ROBO2: variants seen among roughly 807,000 people sequenced by gnomAD.
The protein encoded by ROBO2 is roundabout homolog 2.
Under a neutral mutation model 160.8 loss-of-function variants are expected in ROBO2, and 53 were observed. That is an observed-to-expected ratio of 0.33 (90% CI 0.26 to 0.41). ROBO2 has a LOEUF of 0.41. Among genes scored for constraint, ROBO2 ranks in the 10% least tolerant of loss-of-function variants. The pLI, the probability that ROBO2 is intolerant of heterozygous loss-of-function variation, is 1.00. For missense variants in ROBO2, 1,577 were observed against 1,722.4 expected, an observed-to-expected ratio of 0.92 and a Z score of 1.49; for synonymous variants, 664 against 611.7, an observed-to-expected ratio of 1.09 and a Z score of -1.26.
At position 76,763,274 on chromosome 3, in the gene ROBO2, T is replaced by A. The variant is rs559154000; in HGVS notation, c.110-334740T>A. ...ATGCCAACTACCCATTGCACCTACT[T>A]CTCTGGAATGTTGTGAGGCTCAAAG... On this transcript the variant is annotated intron_variant, in intron 2 of 26. Transcript: ENST00000487694. 1.6e-4 allele frequency among the ~76,000 whole-genome samples: 24 copies of A among 151,808 alleles called. No individual in the cohort carries two copies. In the South Asian group the frequency reaches 4.8e-3, roughly 30 times the overall value.
intron 2 of ROBO2, among the ~76,000 whole-genome samples, chr3:76,900,080 G>C (rs1425538421): frequency 6.6e-6 from 1 of 152,106 alleles, no homozygotes; most frequent in Non-Finnish European, 1.5e-5. Flanking sequence ...GCAAGTCACA[G>C]CTTAAGTGGA....
chr3:76,870,034 A>G (rs564718936), intron 2 of ROBO2, among the ~76,000 whole-genome samples: 9 of 152,058 alleles, frequency 5.9e-5, no homozygotes, highest in African/African-American at 1.9e-4. Context: ...GTTTCCTAGG[A>G]CCTATTGCAT....
chr3:77,112,498 C>T (rs2073755109), intron 2 of ROBO2, among the ~76,000 whole-genome samples: 1 of 152,006 alleles, frequency 6.6e-6, no homozygotes, highest in Admixed American at 6.5e-5. Context: ...CCCGCCTCGG[C>T]CTCCCAAAGT....
intron 23 of ROBO2, among the ~76,000 whole-genome samples, chr3:77,625,318 A>C (rs557517588): frequency 6.6e-6 from 1 of 151,978 alleles, no homozygotes; most frequent in African/African-American, 2.4e-5. Flanking sequence ...TAGATTCAGT[A>C]ATAATAATAA....
chr3:77,501,812 A>C (rs1053293044), intron 5 of ROBO2, among the ~76,000 whole-genome samples: 1 of 152,202 alleles, frequency 6.6e-6, no homozygotes, highest in Non-Finnish European at 1.5e-5. Context: ...TTATGTATAG[A>C]AGGCATCTTG....
intron 1 of ROBO2, among the ~76,000 whole-genome samples, chr3:77,079,968 T>A (rs2068458916): frequency 6.6e-6 from 1 of 152,168 alleles, no homozygotes; most frequent in Admixed American, 6.5e-5. Flanking sequence ...GGACAGAGGG[T>A]AGCTTTTTCC....
intron 2 of ROBO2, among the ~76,000 whole-genome samples, chr3:76,060,107 TG>T (rs1235151247): frequency 1.3e-4 from 10 of 77,550 alleles, no homozygotes; most frequent in African/African-American, 1.1e-3. Context: ...AGCTAGAAAA[TG>T]TTTTTTTTTT....
chr3:77,492,097 T>C (rs1328043648), intron 4 of ROBO2, among the ~76,000 whole-genome samples: 1 of 152,158 alleles, frequency 6.6e-6, no homozygotes, highest in Non-Finnish European at 1.5e-5. Flanking sequence ...AATTAGAAGG[T>C]TTGAAACTCA....
chr3:76,055,504 C>T (rs1440189480), intron 2 of ROBO2, among the ~76,000 whole-genome samples: 2 of 152,052 alleles, frequency 1.3e-5, no homozygotes, highest in Non-Finnish European at 2.9e-5. Context: ...GTCGCCCTCC[C>T]CCCTTTTGGA....
intron 2 of ROBO2, among the ~76,000 whole-genome samples, chr3:76,180,854 T>C (rs1247025279): frequency 6.6e-6 from 1 of 152,144 alleles, no homozygotes; most frequent in Non-Finnish European, 1.5e-5. Flanking sequence ...TACAAGGCCC[T>C]GAATTTTCTG....
intron 2 of ROBO2, among the ~76,000 whole-genome samples, chr3:76,548,947 C>T (rs1176155979): frequency 6.6e-6 from 1 of 152,064 alleles, no homozygotes; most frequent in African/African-American, 2.4e-5. Context: ...TTGTGCAATT[C>T]AATTTCCTAA....
At chr3:76,012,450 CAAAT>C (rs976140056) in intron 2 of ROBO2, among the ~76,000 whole-genome samples, 3 of 152,094 alleles carry the variant, frequency 2.0e-5, no homozygotes, top group Non-Finnish European at 2.9e-5. Context: ...ATAAAATATA[CAAAT>C]ATTTGACAGG....
chr3:77,255,796 A>C (rs2058368597), intron 2 of ROBO2, among the ~76,000 whole-genome samples: 1 of 152,258 alleles, frequency 6.6e-6, no homozygotes, highest in African/African-American at 2.4e-5. Context: ...TCATCTAGAA[A>C]AAATTTTAAT....
At chr3:77,158,629 G>T (rs1319871667) in intron 2 of ROBO2, among the ~76,000 whole-genome samples, 1 of 152,078 alleles carries the variant, frequency 6.6e-6, no homozygotes, top group African/African-American at 2.4e-5. Flanking sequence ...ATAAATACTT[G>T]CAGTAGGTTT....
At chr3:76,654,849 A>G (rs2091421433) in intron 2 of ROBO2, among the ~76,000 whole-genome samples, 2 of 145,026 alleles carry the variant, frequency 1.4e-5, no homozygotes, top group Admixed American at 1.4e-4. Context: ...TTTTTTATAT[A>G]TATATACACA....
intron 2 of ROBO2, among the ~76,000 whole-genome samples, chr3:76,609,593 G>A (rs1356876107): frequency 6.6e-6 from 1 of 151,504 alleles, no homozygotes; most frequent in Non-Finnish European, 1.5e-5. Context: ...TACTGAATTT[G>A]TTTATTAGCT....
At chr3:76,079,127 T>A (rs1310437111) in intron 2 of ROBO2, among the ~76,000 whole-genome samples, 1 of 152,182 alleles carries the variant, frequency 6.6e-6, no homozygotes, top group Non-Finnish European at 1.5e-5. Context: ...AGGAAAACAA[T>A]GGTTATAATA....
At chr3:76,963,881 A>T (rs1240495733) in intron 2 of ROBO2, among the ~76,000 whole-genome samples, 3 of 151,706 alleles carry the variant, frequency 2.0e-5, no homozygotes, top group African/African-American at 4.8e-5. Flanking sequence ...AAAAAGAAAA[A>T]GAAAAAGAAA....
chr3:76,254,581 C>A (rs1447574231), intron 2 of ROBO2, among the ~76,000 whole-genome samples: 1 of 151,956 alleles, frequency 6.6e-6, no homozygotes, highest in Non-Finnish European at 1.5e-5. Flanking sequence ...AGTCTAGAGT[C>A]AGAAATAACT....
Sources: gnomAD v4.1 joint callset for allele counts (sites outside exome capture counted in the v4.1 genomes callset) on GRCh38, gnomAD v4.1.1 for gene constraint, MANE v1.5 for transcripts, NCBI Gene and HGNC (gene_info 2026-07-23, HGNC 2026-07-21) for gene names.